The following PROCR variants were observed in gnomAD, a reference collection of about 807,000 sequenced individuals.
PROCR encodes protein C receptor, also known as endothelial protein C receptor.
A neutral mutation model predicts 24.2 loss-of-function variants in PROCR; 22 were observed. The ratio of observed to expected loss-of-function variants is 0.91; its 90% CI spans 0.65 to 1.30. PROCR has a LOEUF of 1.30. Ranked by LOEUF, PROCR falls within the 50% of genes most tolerant of loss-of-function variation. The pLI, the probability that PROCR is intolerant of heterozygous loss-of-function variation, is 0.00. For missense variants in PROCR, 288 were observed against 307.7 expected, an observed-to-expected ratio of 0.94 and a Z score of 0.48; for synonymous variants, 137 against 139.2, an observed-to-expected ratio of 0.98 and a Z score of 0.11.
chr20:35,172,031 A>G, upstream of PROCR: 5 of 845,988 alleles, frequency 5.9e-6, no homozygotes, highest in South Asian at 5.4e-5. Context: ...GCCTCCTTCC[A>G]TCCTCCTCTG....
At chr20:35,177,675 G>A (rs750786418), downstream of PROCR, among the ~76,000 whole-genome samples, 8 of 151,546 alleles carry the variant, frequency 5.3e-5, no homozygotes, top group Non-Finnish European at 8.8e-5. Context: ...CTCGTGATCC[G>A]CCTACCTCGG....
Position 35,215,207 on chromosome 20 carries a change from G to A in PROCR, c.95-686G>A, listed in dbSNP as rs561046746. On this transcript the variant is annotated intron_variant, in intron 1 of 1. Transcript: ENST00000634509. Reference sequence around the variant, plus strand: ...ATTACGGGCGTGAGCCACAGCGCCCGGCCTTTTACCCTCCATTTTCTGCCA... The same window carrying A: ...ATTACGGGCGTGAGCCACAGCGCCCAGCCTTTTACCCTCCATTTTCTGCCA... Among the ~76,000 whole-genome samples, 16 of 152,254 alleles carry A rather than the reference G, an allele frequency of 1.1e-4. No individual in the cohort carries two copies. The East Asian group carries it at 1.7e-3, about 17-fold the overall frequency.
At chr20:35,172,641 G>T (rs1000311052) in intron 1 of PROCR, among the ~76,000 whole-genome samples, 2 of 152,096 alleles carry the variant, frequency 1.3e-5, no homozygotes, top group Admixed American at 6.5e-5. Context: ...TGGAAGAAGT[G>T]GGGGAAGAGT....
intron 1 of PROCR, among the ~76,000 whole-genome samples, chr20:35,210,393 A>T (rs2060357633): frequency 6.6e-6 from 1 of 151,896 alleles, no homozygotes; most frequent in Non-Finnish European, 1.5e-5. Flanking sequence ...AAAAATTTTT[A>T]AAAATTAGGT....
At chr20:35,183,868 G>T (rs1219287756) in intron 1 of PROCR, among the ~76,000 whole-genome samples, 8 of 152,088 alleles carry the variant, frequency 5.3e-5, no homozygotes, top group Admixed American at 5.2e-4. Context: ...GCCCAACATC[G>T]TTATAGTCAT....
chr20:35,214,416 G>T (rs949519855), intron 1 of PROCR, among the ~76,000 whole-genome samples: 3 of 152,118 alleles, frequency 2.0e-5, no homozygotes, highest in African/African-American at 7.2e-5. Flanking sequence ...GCCGGGCGCG[G>T]TGGCTCACGC....
At chr20:35,183,868 G>A (rs1219287756) in intron 1 of PROCR, among the ~76,000 whole-genome samples, 1 of 152,088 alleles carries the variant, frequency 6.6e-6, no homozygotes, top group African/African-American at 2.4e-5. Context: ...GCCCAACATC[G>A]TTATAGTCAT....
chr20:35,184,394 A>G (rs2086104643), intron 1 of PROCR, among the ~76,000 whole-genome samples: 1 of 152,222 alleles, frequency 6.6e-6, no homozygotes, highest in Admixed American at 6.5e-5. Flanking sequence ...TACCTTATAC[A>G]AAAATCAACT....
chr20:35,190,355 A>G (rs1239511677), intron 1 of PROCR, among the ~76,000 whole-genome samples: 1 of 152,224 alleles, frequency 6.6e-6, no homozygotes, highest in East Asian at 1.9e-4. Context: ...CCCACACAGC[A>G]GAAGCTTAAT....
chr20:35,174,809 G>C lies in PROCR; in HGVS notation c.178G>C (p.Gly60Arg). Reference protein sequence around the residue: ...LGGHLTHVLEGPDTNTTIIQL... With the variant: ...LGGHLTHVLERPDTNTTIIQL... ...GGGACACCTAACGCACGTGCTGGAAGGCCCAGACACCAACACCACGATCAT... is the reference window on the plus strand; with the variant it reads ...GGGACACCTAACGCACGTGCTGGAACGCCCAGACACCAACACCACGATCAT... The change falls in exon 2 of 4, where the codon GGC (glycine) becomes CGC (arginine). Residue 60 changes from glycine to arginine, a missense_variant. Coordinates refer to ENST00000216968, the MANE Select transcript of PROCR (RefSeq NM_006404.5). The C allele has an allele frequency of 6.2e-7, 1 of 1,614,074 alleles. No individual in the cohort carries two copies. Among genetic ancestry groups the C allele is most frequent in the Non-Finnish European group, 8.5e-7 (1 of 1,180,002 alleles).
chr20:35,195,814 C>A, intron 1 of PROCR, among the ~76,000 whole-genome samples: 1 of 112,046 alleles, frequency 8.9e-6, no homozygotes, highest in Non-Finnish European at 1.7e-5. Flanking sequence ...GAGCAAGAGT[C>A]TGTCTCAAAA....
At chr20:35,190,981 T>C (rs978842709) in intron 1 of PROCR, among the ~76,000 whole-genome samples, 7 of 152,134 alleles carry the variant, frequency 4.6e-5, no homozygotes, top group Non-Finnish European at 1.0e-4. Context: ...TGCCTCAGCC[T>C]CCTGAGTAGT....
chr20:35,173,394 CT>C (rs1455417532), intron 1 of PROCR, among the ~76,000 whole-genome samples: 1 of 120,812 alleles, frequency 8.3e-6, no homozygotes, highest in Non-Finnish European at 1.9e-5. Context: ...TGAGCTGGGT[CT>C]TTTTTTCTTT....
intron 1 of PROCR, among the ~76,000 whole-genome samples, chr20:35,195,070 T>A (rs539724044): frequency 6.6e-6 from 1 of 152,266 alleles, no homozygotes; most frequent in East Asian, 1.9e-4. Flanking sequence ...CCATCCCCCA[T>A]GAGGTAAAAG....
intron 1 of PROCR, among the ~76,000 whole-genome samples, chr20:35,174,150 T>C (rs539349402): frequency 5.8e-4 from 88 of 152,218 alleles, no homozygotes; most frequent in African/African-American, 2.1e-3. Context: ...TGAATCGACA[T>C]TGGCTATGAT....
intron 1 of PROCR, among the ~76,000 whole-genome samples, chr20:35,209,611 G>C (rs1010616050): frequency 6.6e-6 from 1 of 152,150 alleles, no homozygotes; most frequent in Non-Finnish European, 1.5e-5. Flanking sequence ...GGAAGAGATG[G>C]AGCTAGCAAA....
At chr20:35,178,585 G>C (rs1199792559), downstream of PROCR, among the ~76,000 whole-genome samples, 25 of 85,780 alleles carry the variant, frequency 2.9e-4, no homozygotes, top group African/African-American at 1.3e-3. Context: ...GCGGGATCTC[G>C]GCTCACTGCA....
At chr20:35,178,507 G>GTTTTGTTTTTTTGTT (rs1272557859), downstream of PROCR, among the ~76,000 whole-genome samples, 1 of 34,372 alleles carries the variant, frequency 2.9e-5, no homozygotes, top group African/African-American at 1.8e-4. Context: ...TCAAGTCTCA[G>GTTTTGTTTTTTTGTT]TTTTTTTTTT....
At chr20:35,181,944 C>T (rs1048695717), downstream of PROCR, among the ~76,000 whole-genome samples, 1 of 152,154 alleles carries the variant, frequency 6.6e-6, no homozygotes, top group Non-Finnish European at 1.5e-5. Flanking sequence ...TTAAGGATGC[C>T]ACAGCTGGAA....
Sources: allele counts gnomAD v4.1 joint callset (sites outside exome capture counted in the v4.1 genomes callset), GRCh38; gene constraint gnomAD v4.1.1; transcripts MANE v1.5; gene names NCBI Gene and HGNC (gene_info 2026-07-23, HGNC 2026-07-21).